The following TTC6 variants were observed in gnomAD, a reference collection of about 807,000 sequenced individuals.
The protein encoded by TTC6 is tetratricopeptide repeat domain 6, also known as tetratricopeptide repeat protein 6.
A neutral mutation model predicts 210.4 loss-of-function variants in TTC6; 172 were observed. The ratio of observed to expected loss-of-function variants is 0.82; its 90% CI spans 0.72 to 0.93. The LOEUF (loss-of-function observed/expected upper bound fraction) is 0.93, where lower values mean the gene tolerates loss of function less well. TTC6 is among the 40% of genes least tolerant of loss of function. The probability of loss-of-function intolerance (pLI) is 0.00; values close to 1 mark genes in which losing one functional copy is unlikely to be tolerated. For synonymous variants in TTC6, 804 were observed against 819.6 expected (o/e 0.98, Z 0.32); for missense variants, 2,414 against 2,318.1 (o/e 1.04, Z -0.85).
At chr14:37,622,055 AT>A, upstream of TTC6, 1 of 1,510,272 alleles carries the variant, frequency 6.6e-7, no homozygotes, top group Non-Finnish European at 8.8e-7. Flanking sequence ...TACAGGTCAA[AT>A]TTGTCAAGAT....
chr14:37,595,658 A>C (rs2095602710), upstream of TTC6, among the ~76,000 whole-genome samples: 1 of 151,974 alleles, frequency 6.6e-6, no homozygotes, highest in South Asian at 2.1e-4. Context: ...GGCGTCGGAG[A>C]CTGGGCTTAG....
intron 25 of TTC6, among the ~76,000 whole-genome samples, chr14:37,815,555 T>G (rs993594575): frequency 6.6e-6 from 1 of 152,072 alleles, no homozygotes; most frequent in South Asian, 2.1e-4. Flanking sequence ...CCTGCTGTGA[T>G]TGAGATGTAA....
chr14:37,767,409 T>C (rs538108553), intron 14 of TTC6, among the ~76,000 whole-genome samples: 55 of 152,126 alleles, frequency 3.6e-4, no homozygotes, highest in African/African-American at 8.2e-4. Context: ...AGTTTACAGT[T>C]CCACCAACAG....
chr14:37,749,683 C>T (rs1408270984), intron 11 of TTC6, 31 bp from the exon 14 acceptor site: 26 of 1,312,738 alleles, frequency 2.0e-5, no homozygotes, highest in Non-Finnish European at 2.3e-5. Context: ...AACAAATCAA[C>T]TTTAACTGAA....
Position 37,753,159 on chromosome 14 carries a change from G to GA in TTC6, c.3194dup (p.Asn1065LysfsTer2), listed in dbSNP as rs1362837308. 6.5e-7 allele frequency: 1 copy of GA among 1,535,144 alleles called. No individual in the cohort carries two copies. The highest frequency in any genetic ancestry group is 1.2e-5 in the South Asian group (1 of 83,998). On this transcript the variant is annotated frameshift_variant, in exon 14 of 31. Transcript: ENST00000553443. LOFTEE classifies it high-confidence loss of function. ...ATTGAAACGTGGGCTGTTTTATTGT[G>GA]AAAATGAAAACTGGTTTGCAGCCAT... is the stretch of plus-strand genomic sequence containing the variant.
intron 1 of TTC6, among the ~76,000 whole-genome samples, chr14:37,675,373 A>T (rs772040499): frequency 6.6e-6 from 1 of 152,114 alleles, no homozygotes; most frequent in Non-Finnish European, 1.5e-5. Context: ...TGTTTTCAAG[A>T]TTCATCCAAC....
upstream of TTC6, among the ~76,000 whole-genome samples, chr14:37,595,653 C>T (rs1272986805): frequency 1.3e-5 from 2 of 152,052 alleles, no homozygotes; most frequent in Non-Finnish European, 2.9e-5. Flanking sequence ...GCGGTGGCGT[C>T]GGAGACTGGG....
intron 5 of TTC6, among the ~76,000 whole-genome samples, chr14:37,708,144 G>A (rs1371418409): frequency 6.6e-6 from 1 of 151,624 alleles, no homozygotes; most frequent in Non-Finnish European, 1.5e-5. Context: ...ATGTTATTTT[G>A]ATAACATATT....
At chr14:37,711,875 A>G (rs977579702) in intron 5 of TTC6, among the ~76,000 whole-genome samples, 5 of 152,302 alleles carry the variant, frequency 3.3e-5, no homozygotes, top group Admixed American at 3.3e-4. Context: ...GAGAATGAAC[A>G]GAAATAGTCA....
chr14:37,822,074 C>T (rs778779206), intron 26 of TTC6, among the ~76,000 whole-genome samples: 10 of 151,904 alleles, frequency 6.6e-5, no homozygotes, highest in South Asian at 2.1e-4. Context: ...CCACCGTGCC[C>T]GGCCAGAGCT....
intron 25 of TTC6, among the ~76,000 whole-genome samples, chr14:37,817,038 A>G (rs561260076): frequency 1.3e-5 from 2 of 152,226 alleles, no homozygotes; most frequent in East Asian, 1.9e-4. Flanking sequence ...AGGAGAGCTT[A>G]TGGATCCTTG....
At chr14:37,792,777 TGTGTGTGTGTG>T (rs2096083273) in intron 17 of TTC6, among the ~76,000 whole-genome samples, 1 of 18,392 alleles carries the variant, frequency 5.4e-5, no homozygotes, top group African/African-American at 5.3e-4. Flanking sequence ...GGTCCAATGT[TGTGTGTGTGTG>T]TGTGTGTGTG....
At chr14:37,716,841 A>G (rs771538407) in intron 6 of TTC6, among the ~76,000 whole-genome samples, 3 of 152,142 alleles carry the variant, frequency 2.0e-5, no homozygotes, top group Non-Finnish European at 4.4e-5. Context: ...ACTGTACCCA[A>G]CAAAAGCAGA....
chr14:37,773,725 G>A (rs1339975885), intron 14 of TTC6, among the ~76,000 whole-genome samples: 1 of 152,114 alleles, frequency 6.6e-6, no homozygotes, highest in Non-Finnish European at 1.5e-5. Context: ...GCTTAGAATT[G>A]CCTTGGCTTT....
chr14:37,683,036 C>T (rs997550170), intron 3 of TTC6, 72 bp downstream of exon 5: 6 of 1,419,814 alleles, frequency 4.2e-6, no homozygotes, highest in East Asian at 5.0e-5. Flanking sequence ...GAAGAATTGG[C>T]CCAGGCAAGG....
At chr14:37,637,364 T>C (rs1435138686) in intron 1 of TTC6, among the ~76,000 whole-genome samples, 3 of 152,214 alleles carry the variant, frequency 2.0e-5, no homozygotes, top group Admixed American at 1.3e-4. Context: ...GTTAAGACGA[T>C]GAAATGACAA....
intron 7 of TTC6, among the ~76,000 whole-genome samples, chr14:37,726,514 ATTTTAT>A (rs1381231209): frequency 6.6e-6 from 1 of 151,962 alleles, no homozygotes; most frequent in Admixed American, 6.6e-5. Context: ...GTTAGGCCAT[ATTTTAT>A]TTTTAATTTT....
At chr14:37,691,857 A>G (rs558625458) in intron 3 of TTC6, among the ~76,000 whole-genome samples, 4 of 152,228 alleles carry the variant, frequency 2.6e-5, no homozygotes, top group Admixed American at 2.6e-4. Flanking sequence ...AAAAGAAGAC[A>G]TAACTACAGA....
At chr14:37,675,387 G>A (rs11849126) in intron 1 of TTC6, among the ~76,000 whole-genome samples, 41,338 of 151,906 alleles carry the variant, frequency 0.27, 5,723 homozygotes, top group South Asian at 0.36. Flanking sequence ...ATCCAACATC[G>A]TGGCATACAT....
Sources: allele counts gnomAD v4.1 joint callset (sites outside exome capture counted in the v4.1 genomes callset), GRCh38; gene constraint gnomAD v4.1.1; transcripts MANE v1.5; gene names NCBI Gene and HGNC (gene_info 2026-07-23, HGNC 2026-07-21).